DNAJC15: variants seen among roughly 807,000 people sequenced by gnomAD.
DNAJC15 encodes DnaJ heat shock protein family (Hsp40) member C15.
Under a neutral mutation model 22.4 loss-of-function variants are expected in DNAJC15, and 27 were observed. The ratio of observed to expected loss-of-function variants is 1.20; its 90% CI spans 0.89 to 1.66. DNAJC15 has a LOEUF of 1.66. Ranked by LOEUF, DNAJC15 falls within the 40% of genes most tolerant of loss-of-function variation. The probability of loss-of-function intolerance (pLI) is 0.00; values close to 1 mark genes in which losing one functional copy is unlikely to be tolerated. For synonymous variants in DNAJC15, 79 were observed against 63.2 expected (o/e 1.25, Z -1.19); for missense variants, 208 against 187.1 (o/e 1.11, Z -0.65).
chr13:43,075,158 T>G (rs1195774470), intron 3 of DNAJC15, among the ~76,000 whole-genome samples: 1 of 152,290 alleles, frequency 6.6e-6, no homozygotes, highest in South Asian at 2.1e-4. Context: ...CTCAAAATGG[T>G]CTAGATCTTT....
intron 1 of DNAJC15, among the ~76,000 whole-genome samples, chr13:43,037,551 A>G (rs957998508): frequency 6.6e-6 from 1 of 152,204 alleles, no homozygotes; most frequent in African/African-American, 2.4e-5. Flanking sequence ...CTGCCTTCTG[A>G]TGTTAAAACA....
chr13:43,092,729 T>G lies in DNAJC15; in HGVS notation c.382+6891T>G, dbSNP rs150575680. On this transcript the variant is annotated intron_variant, in intron 5 of 5. Coordinates refer to ENST00000379221, the MANE Select transcript of DNAJC15 (RefSeq NM_013238.3). ...GAATTCAAGACCAGCCTGGGCAACA[T>G]AGCAAGACCCTTTCTCCAGTAAAAA... Among the ~76,000 whole-genome samples the G allele has an allele frequency of 3.3e-5, 5 of 152,256 alleles. No individual in the cohort carries two copies. The East Asian group carries it at 9.6e-4, about 29-fold the overall frequency.
At chr13:43,100,602 G>C (rs1484336382) in intron 5 of DNAJC15, among the ~76,000 whole-genome samples, 2 of 152,062 alleles carry the variant, frequency 1.3e-5, no homozygotes, top group Admixed American at 6.6e-5. Context: ...TGTTATTCAT[G>C]TTTAATACAT....
At position 43,110,224 on chromosome 13, in the gene DNAJC15, CA is replaced by C. The variant is rs1377841322; in HGVS notation, c.*2977del. On this transcript the variant is annotated 3_prime_UTR_variant, in exon 6 of 6. Coordinates refer to ENST00000379221, the MANE Select transcript of DNAJC15 (RefSeq NM_013238.3). Reference sequence around the variant, plus strand: ...GTTCCTCTTTACATAGGCTTCTCAACAGGGCTACTAGAGCATCGTCACCATA... The same window carrying C: ...GTTCCTCTTTACATAGGCTTCTCAACGGGCTACTAGAGCATCGTCACCATA... 6.6e-6 allele frequency: 1 copy of C among 152,204 alleles called. No individual in the cohort carries two copies. The highest frequency in any genetic ancestry group is 1.5e-5 in the Non-Finnish European group (1 of 68,048). 9.4% of individuals were successfully genotyped at this position (152,204 alleles called of 1,614,324 possible). A position where few individuals can be genotyped will look rare whatever the true frequency, so the allele number is the denominator to read the frequency against.
At chr13:43,087,372 TTC>T (rs548692229) in intron 5 of DNAJC15, among the ~76,000 whole-genome samples, 117 of 152,334 alleles carry the variant, frequency 7.7e-4, no homozygotes, top group African/African-American at 2.6e-3. Flanking sequence ...ATGTTGGAAC[TTC>T]TCTCTTTGAT....
At chr13:43,090,625 A>C (rs1195576763) in intron 5 of DNAJC15, among the ~76,000 whole-genome samples, 3 of 151,980 alleles carry the variant, frequency 2.0e-5, no homozygotes, top group Non-Finnish European at 4.4e-5. Flanking sequence ...AGATATTGTT[A>C]TCAAGGCGCT....
chr13:43,044,947 A>G lies in DNAJC15; in HGVS notation c.109-20739A>G, dbSNP rs2040469524. On this transcript the variant is annotated intron_variant, in intron 1 of 5. Transcript: ENST00000379221. ...TCTACAATCTATTCTCAACATGACA[A>G]GTAGAATGATCCTTAGAATTTTAAT... Among the ~76,000 whole-genome samples, 3 of 152,140 alleles carry G rather than the reference A, an allele frequency of 2.0e-5. No individual in the cohort carries two copies. The South Asian group carries it at 6.2e-4, about 32-fold the overall frequency.
At chr13:43,062,438 C>T (rs1447690229) in intron 1 of DNAJC15, among the ~76,000 whole-genome samples, 1 of 152,120 alleles carries the variant, frequency 6.6e-6, no homozygotes, top group African/African-American at 2.4e-5. Flanking sequence ...GGCAGAGATG[C>T]AGAGCAAGGC....
At chr13:43,041,458 T>A (rs1344860793) in intron 1 of DNAJC15, among the ~76,000 whole-genome samples, 1 of 152,186 alleles carries the variant, frequency 6.6e-6, no homozygotes, top group Admixed American at 6.5e-5. Flanking sequence ...TTGTGTCTAC[T>A]TCTTTCTACA....
At chr13:43,041,352 CAT>C (rs1431233677) in intron 1 of DNAJC15, among the ~76,000 whole-genome samples, 6 of 152,210 alleles carry the variant, frequency 3.9e-5, no homozygotes, top group Admixed American at 3.3e-4. Context: ...TGACACAGCA[CAT>C]GTTTCAGGGA....
chr13:43,086,209 AT>A (rs1219534345), intron 5 of DNAJC15, among the ~76,000 whole-genome samples: 6 of 152,172 alleles, frequency 3.9e-5, no homozygotes, highest in African/African-American at 1.4e-4. Flanking sequence ...GAGTTAGAGG[AT>A]TTCCTCCAAA....
At chr13:43,066,739 C>T (rs577330946) in intron 2 of DNAJC15, among the ~76,000 whole-genome samples, 2 of 152,296 alleles carry the variant, frequency 1.3e-5, no homozygotes, top group South Asian at 2.1e-4. Flanking sequence ...TCTCCTGCCT[C>T]AGCCTCCCGA....
At chr13:43,078,559 A>G in intron 3 of DNAJC15, 53 bp from the exon 4 acceptor site, 1 of 1,457,832 alleles carries the variant, frequency 6.9e-7, no homozygotes, top group Non-Finnish European at 9.6e-7. Context: ...GATTGAGGTC[A>G]TGCCACCTCA....
At chr13:43,061,799 C>T (rs912088641) in intron 1 of DNAJC15, among the ~76,000 whole-genome samples, 1 of 152,236 alleles carries the variant, frequency 6.6e-6, no homozygotes, top group South Asian at 2.1e-4. Flanking sequence ...CCAAGCCCCA[C>T]CTCATTACAT....
chr13:43,070,360 T>C (rs1350952105), intron 3 of DNAJC15, among the ~76,000 whole-genome samples: 1 of 152,100 alleles, frequency 6.6e-6, no homozygotes, highest in Non-Finnish European at 1.5e-5. Context: ...TTTGAGCACC[T>C]ACTACATACT....
chr13:43,061,008 C>T (rs995653465), intron 1 of DNAJC15, among the ~76,000 whole-genome samples: 3 of 151,954 alleles, frequency 2.0e-5, no homozygotes, highest in Non-Finnish European at 2.9e-5. Context: ...AGGGATGGGG[C>T]CTGAGAAATT....
intron 5 of DNAJC15, among the ~76,000 whole-genome samples, chr13:43,095,302 C>T (rs2040734364): frequency 6.6e-6 from 1 of 152,066 alleles, no homozygotes; most frequent in South Asian, 2.1e-4. Context: ...TAGTATTTCC[C>T]CTTGATTTCT....
At chr13:43,085,429 A>G (rs2040683105) in intron 4 of DNAJC15, among the ~76,000 whole-genome samples, 2 of 152,138 alleles carry the variant, frequency 1.3e-5, no homozygotes, top group South Asian at 4.1e-4. Flanking sequence ...GCTACACCGT[A>G]TATACCGCCT....
chr13:43,051,945 A>C (rs1393236369), intron 1 of DNAJC15, among the ~76,000 whole-genome samples: 1 of 152,082 alleles, frequency 6.6e-6, no homozygotes, highest in Non-Finnish European at 1.5e-5. Context: ...TATCCATGCC[A>C]ACATCTATTA....
Sources: gnomAD v4.1 joint callset for allele counts (sites outside exome capture counted in the v4.1 genomes callset) on GRCh38, gnomAD v4.1.1 for gene constraint, MANE v1.5 for transcripts, NCBI Gene and HGNC (gene_info 2026-07-23, HGNC 2026-07-21) for gene names.